ABCC4: variants seen among roughly 807,000 people sequenced by gnomAD.
ABCC4 encodes the protein ATP binding cassette subfamily C member 4 (PEL blood group).
A neutral mutation model predicts 168.5 loss-of-function variants in ABCC4; 102 were observed. The ratio of observed to expected loss-of-function variants is 0.61; its 90% CI spans 0.52 to 0.71. ABCC4 has a LOEUF of 0.71. Among genes scored for constraint, ABCC4 ranks in the 30% least tolerant of loss-of-function variants. The pLI is 0.00. For synonymous variants in ABCC4, 617 were observed against 590.7 expected, an observed-to-expected ratio of 1.04 and a Z score of -0.65; for missense variants, 1,402 against 1,605.8, an observed-to-expected ratio of 0.87 and a Z score of 2.17.
intron 29 of ABCC4, chr13:95,043,260 C>G (rs866936303): frequency 6.4e-6 from 1 of 157,466 alleles, no homozygotes; most frequent in Non-Finnish European, 1.4e-5. Flanking sequence ...GTCCCAACAG[C>G]ATAGAAGTTC....
chr13:95,123,742 C>T (rs1419204084), intron 19 of ABCC4, among the ~76,000 whole-genome samples: 2 of 152,158 alleles, frequency 1.3e-5, no homozygotes, highest in East Asian at 1.9e-4. Flanking sequence ...TGACACAACC[C>T]GACATGAGCA....
At chr13:95,128,602 T>G (rs1003865619) in intron 19 of ABCC4, among the ~76,000 whole-genome samples, 2 of 152,194 alleles carry the variant, frequency 1.3e-5, no homozygotes, top group Non-Finnish European at 2.9e-5. Context: ...CAATATTTAT[T>G]CACTCTGAGC....
Position 95,210,734 on chromosome 13 carries a change from C to T in ABCC4, c.579G>A (p.Gln193=). The change falls in exon 5 of 31, where the codon CAG becomes CAA. Residue 193 remains glutamine (Q), a synonymous_variant. Transcript: ENST00000645237. The part of the protein sequence containing the change: ...NMAMGKTTTG[Q]IVNLLSNDVN... ...CATCATTGGACAGCAGATTGACTAT[C>T]TGGCCTGTGGTTGTCTTCCCCATGG... is the stretch of plus-strand genomic sequence containing the variant. The T allele has an allele frequency of 6.2e-7, 1 of 1,614,216 alleles. No individual in the cohort carries two copies. Among genetic ancestry groups the T allele is most frequent in the Non-Finnish European group, 8.5e-7 (1 of 1,180,028 alleles).
intron 19 of ABCC4, among the ~76,000 whole-genome samples, chr13:95,143,110 CT>C (rs2036374545): frequency 6.6e-6 from 1 of 152,182 alleles, no homozygotes; most frequent in Admixed American, 6.5e-5. Context: ...GGCTCACAAG[CT>C]CTGAGCCCAA....
chr13:95,036,699 C>T (rs938620217), intron 29 of ABCC4, among the ~76,000 whole-genome samples: 1 of 152,056 alleles, frequency 6.6e-6, no homozygotes, highest in Non-Finnish European at 1.5e-5. Context: ...TAATAATTTA[C>T]TAGAACTTAA....
At chr13:95,267,138 T>C (rs189429899) in intron 1 of ABCC4, among the ~76,000 whole-genome samples, 107 of 152,202 alleles carry the variant, frequency 7.0e-4, no homozygotes, top group Middle Eastern at 3.4e-3. Context: ...CACCTCGGCC[T>C]CCCAAAGTGC....
At chr13:95,121,981 G>C (rs1468367352) in intron 19 of ABCC4, among the ~76,000 whole-genome samples, 3 of 152,176 alleles carry the variant, frequency 2.0e-5, no homozygotes, top group Non-Finnish European at 2.9e-5. Context: ...AGCCAATCTT[G>C]CTCAAGGTGA....
At chr13:95,132,907 G>A (rs746362680) in intron 19 of ABCC4, among the ~76,000 whole-genome samples, 53 of 152,158 alleles carry the variant, frequency 3.5e-4, no homozygotes, top group South Asian at 2.1e-4. Context: ...ATGCCAGGGG[G>A]TGGAGAGAAG....
At chr13:95,273,845 T>C (rs1323255203) in intron 1 of ABCC4, among the ~76,000 whole-genome samples, 1 of 131,964 alleles carries the variant, frequency 7.6e-6, no homozygotes, top group Non-Finnish European at 1.5e-5. Flanking sequence ...TGAGACGGAG[T>C]CTTGCTGTTG....
intron 21 of ABCC4, among the ~76,000 whole-genome samples, chr13:95,082,783 C>T (rs1244209128): frequency 6.6e-6 from 1 of 152,054 alleles, no homozygotes; most frequent in Non-Finnish European, 1.5e-5. Context: ...TCACCATGAT[C>T]AAATATTTTA....
intron 1 of ABCC4, among the ~76,000 whole-genome samples, chr13:95,293,240 C>G (rs1262247757): frequency 6.6e-6 from 1 of 151,918 alleles, no homozygotes; most frequent in Admixed American, 6.6e-5. Flanking sequence ...CATCTGTAAT[C>G]CCAGCTACTT....
At chr13:95,292,278 G>A (rs1442022306) in intron 1 of ABCC4, among the ~76,000 whole-genome samples, 1 of 152,142 alleles carries the variant, frequency 6.6e-6, no homozygotes, top group Admixed American at 6.5e-5. Flanking sequence ...AGGATGGCTT[G>A]AGCCCAGGAG....
intron 16 of ABCC4, among the ~76,000 whole-genome samples, chr13:95,164,054 A>AAAAGAAAGAAAGAAAGAAAGAAAGAAAG (rs781636269): frequency 7.2e-6 from 1 of 139,014 alleles, no homozygotes; most frequent in African/African-American, 2.8e-5. Flanking sequence ...AAAAAAAAAA[A>AAAAGAAAGAAAGAAAGAAAGAAAGAAAG]AAAGAAAGAA....
chr13:95,273,404 T>C (rs4148428), intron 1 of ABCC4, among the ~76,000 whole-genome samples: 12,091 of 152,216 alleles, frequency 0.079, 1,041 homozygotes, highest in African/African-American at 0.22. Context: ...CTTCCTTTCT[T>C]TCCTGGCCCC....
chr13:95,098,104 C>G (rs1384550205), intron 20 of ABCC4, among the ~76,000 whole-genome samples: 2 of 146,184 alleles, frequency 1.4e-5, no homozygotes, highest in Non-Finnish European at 3.0e-5. Context: ...CCACTGCACT[C>G]CAGCCTGGGC....
In ABCC4 at chr13:95,164,425, G is replaced by A. The variant is rs2037205757; in HGVS notation, c.2128C>T (p.His710Tyr). The A allele has an allele frequency of 1.2e-6, 2 of 1,614,158 alleles. No homozygotes were observed. The highest frequency in any genetic ancestry group is 1.7e-6 in the Non-Finnish European group (2 of 1,180,024). ...ATAAGGAAAATGAAGACAATCCAGT[G>A]AGCACCAGCTCTGAAGTAATTCTTA... ...AYKNYFRAGA[H>Y]WIVFIFLILL... The change falls in exon 16 of 31, where the codon CAC becomes TAC. Residue 710 changes from histidine (H) to tyrosine (Y), a missense_variant. Physicochemically the swap from His to Tyr is moderately conservative, Grantham distance 83. Coordinates refer to ENST00000645237, the MANE Select transcript of ABCC4 (RefSeq NM_005845.5).
intron 1 of ABCC4, 79 bp from the exon 2 acceptor site, chr13:95,247,832 C>A: frequency 9.3e-7 from 1 of 1,069,872 alleles, no homozygotes; most frequent in South Asian, 1.4e-5. Flanking sequence ...ATGGGTTTTG[C>A]TTAAACTTAC....
chr13:95,296,180 AC>A (rs2041530955), intron 1 of ABCC4, among the ~76,000 whole-genome samples: 345 of 16,022 alleles, frequency 0.022, 1 homozygote, highest in African/African-American at 0.037. Flanking sequence ...ACACACACAC[AC>A]ACAAAAACAC....
At chr13:95,292,872 G>A (rs2041436725) in intron 1 of ABCC4, among the ~76,000 whole-genome samples, 1 of 152,256 alleles carries the variant, frequency 6.6e-6, no homozygotes, top group South Asian at 2.1e-4. Flanking sequence ...CTACGTCGCA[G>A]GCCACAAAAG....
Sources: gnomAD v4.1 joint callset for allele counts (sites outside exome capture counted in the v4.1 genomes callset) on GRCh38, gnomAD v4.1.1 for gene constraint, MANE v1.5 for transcripts, NCBI Gene and HGNC (gene_info 2026-07-23, HGNC 2026-07-21) for gene names.